Variants in ZCCHC14 observed in about 807,000 individuals in gnomAD.
The protein encoded by ZCCHC14 is zinc finger CCHC-type containing 14.
Under a neutral mutation model 85.0 loss-of-function variants are expected in ZCCHC14, and 16 were observed. The observed-to-expected ratio is 0.19, with a 90% CI of 0.13 to 0.29. The LOEUF (loss-of-function observed/expected upper bound fraction) is 0.29. ZCCHC14 is among the 10% of genes least tolerant of loss of function. The pLI, the probability that ZCCHC14 is intolerant of heterozygous loss-of-function variation, is 1.00. For synonymous variants in ZCCHC14, 775 were observed against 630.7 expected (o/e 1.23, Z -3.43); for missense variants, 1,303 against 1,443.5 (o/e 0.90, Z 1.58).
At chr16:87,429,395 T>C (rs984799562) in intron 3 of ZCCHC14, among the ~76,000 whole-genome samples, 4 of 152,194 alleles carry the variant, frequency 2.6e-5, no homozygotes, top group African/African-American at 9.7e-5. Flanking sequence ...CAGGCTAGTC[T>C]TGAACTCCTG....
intron 3 of ZCCHC14, among the ~76,000 whole-genome samples, chr16:87,425,595 GAAAGAAAAGA>G (rs59861470): frequency 3.7e-4 from 56 of 151,524 alleles, no homozygotes; most frequent in Non-Finnish European, 6.8e-4. Context: ...AAGAAAGAAA[GAAAGAAAAGA>G]AAAGAAAAGA....
At position 87,420,764 on chromosome 16, in the gene ZCCHC14, AC is replaced by A. The variant is rs1909055178; in HGVS notation, c.841-49del. On this transcript the variant is annotated intron_variant, in intron 4 of 12. Coordinates refer to ENST00000671377, the MANE Select transcript of ZCCHC14 (RefSeq NM_015144.3). The surrounding 1 kb of genome is among the most constrained non-coding windows in gnomAD (Gnocchi z 5.0). Reference sequence around the variant, plus strand: ...GGAGGTGTGTCCAGACCCATCCAACACCAGCAGAATTCTGCTACTGCAGGAA... The same window carrying A: ...GGAGGTGTGTCCAGACCCATCCAACACAGCAGAATTCTGCTACTGCAGGAA... The A allele has an allele frequency of 1.3e-6, 2 of 1,499,154 alleles. No individual in the cohort carries two copies. The highest frequency in any genetic ancestry group is 1.8e-6 in the Non-Finnish European group (2 of 1,103,654). The allele number at this position is 1,499,154 out of a possible 1,614,324, so 92.9% of individuals were successfully genotyped here. A position where few individuals can be genotyped will look rare whatever the true frequency, so the allele number is the denominator to read the frequency against.
At chr16:87,447,027 CAAATACCACATGAGAATTTTCACATTCA>C (rs1910473790) in intron 2 of ZCCHC14, among the ~76,000 whole-genome samples, 1 of 152,164 alleles carries the variant, frequency 6.6e-6, no homozygotes, top group South Asian at 2.1e-4. Context: ...TTTAGTAACA[CAAATACCACATGAGAATTTTCACATTCA>C]AAATACATAT....
chr16:87,447,605 T>C (rs1256644339), intron 2 of ZCCHC14, among the ~76,000 whole-genome samples: 1 of 152,230 alleles, frequency 6.6e-6, no homozygotes, highest in Non-Finnish European at 1.5e-5. Flanking sequence ...TCCATTCTCC[T>C]ACTCATGGAC....
At chr16:87,462,001 C>G (rs1309264809) in intron 1 of ZCCHC14, among the ~76,000 whole-genome samples, 1 of 152,064 alleles carries the variant, frequency 6.6e-6, no homozygotes, top group African/African-American at 2.4e-5. Context: ...GGCGCAGCAG[C>G]TCATGGCTAT....
At chr16:87,482,534 A>G (rs772369565) in intron 1 of ZCCHC14, among the ~76,000 whole-genome samples, 5 of 152,184 alleles carry the variant, frequency 3.3e-5, no homozygotes, top group South Asian at 2.1e-4. Context: ...AATCCCCCAA[A>G]AAAACCCTTC....
At chr16:87,449,668 C>G (rs968123910) in intron 2 of ZCCHC14, among the ~76,000 whole-genome samples, 1 of 152,142 alleles carries the variant, frequency 6.6e-6, no homozygotes, top group African/African-American at 2.4e-5. Flanking sequence ...CAATGAGAAA[C>G]CACTTCAACA....
intron 3 of ZCCHC14, among the ~76,000 whole-genome samples, chr16:87,424,359 C>A (rs1909259249): frequency 6.6e-6 from 1 of 152,214 alleles, no homozygotes; most frequent in Admixed American, 6.5e-5. Context: ...CAGGACACTG[C>A]AGAGCTGTGG....
At chr16:87,449,637 T>G (rs566322866) in intron 2 of ZCCHC14, among the ~76,000 whole-genome samples, 1 of 152,290 alleles carries the variant, frequency 6.6e-6, no homozygotes, top group African/African-American at 2.4e-5. Context: ...CTTTATTAAG[T>G]GGTTTAATCT....
At position 87,491,065 on chromosome 16, in the gene ZCCHC14, G is replaced by A. The variant is rs983287044; in HGVS notation, c.570+604C>T. Among the ~76,000 whole-genome samples the A allele has an allele frequency of 6.6e-6, 1 of 152,226 alleles. No homozygotes were observed. The highest frequency in any genetic ancestry group is 2.4e-5 in the African/African-American group (1 of 41,466). On this transcript the variant is annotated intron_variant, in intron 1 of 12. Transcript: ENST00000671377. The surrounding 1 kb of genome is among the most constrained non-coding windows in gnomAD (Gnocchi z 5.9). ...TTCTGGTAATAAATACCAGATTTGG[G>A]GAAACCAAGGCGCCGCAATGTGTGT... is the stretch of plus-strand genomic sequence containing the variant.
chr16:87,411,595 G>A lies in ZCCHC14; in HGVS notation c.3126C>T (p.Asn1042=), dbSNP rs754507431. The change falls in exon 12 of 13, where the codon AAC becomes AAT. Residue 1042 remains asparagine, a synonymous_variant. Coordinates refer to ENST00000671377, the MANE Select transcript of ZCCHC14 (RefSeq NM_015144.3). ...TGGCCCCGCAGTTGTAACAAGATAG[G>A]TTCCCGCTCTTTTTGTGACTGGAAC... ...SNGSSHKKSG[N]LSCYNCGATG... The A allele has an allele frequency of 2.4e-5, 39 of 1,613,904 alleles. No homozygotes were observed. In the South Asian group the frequency reaches 4.1e-4, roughly 17 times the overall value.
At chr16:87,463,779 C>G (rs1911388219) in intron 1 of ZCCHC14, among the ~76,000 whole-genome samples, 1 of 152,142 alleles carries the variant, frequency 6.6e-6, no homozygotes, top group Middle Eastern at 3.2e-3. Flanking sequence ...GCTGAGATTA[C>G]ACCATATTGC....
At chr16:87,453,091 G>A (rs1237784274) in intron 2 of ZCCHC14, among the ~76,000 whole-genome samples, 1 of 152,220 alleles carries the variant, frequency 6.6e-6, no homozygotes, top group East Asian at 1.9e-4. Flanking sequence ...TGAACAAGCT[G>A]GAAGATGGAA....
intron 1 of ZCCHC14, among the ~76,000 whole-genome samples, chr16:87,488,563 T>C (rs1266899104): frequency 6.6e-6 from 1 of 152,100 alleles, no homozygotes; most frequent in Admixed American, 6.5e-5. Context: ...TTTCGGAAAA[T>C]ACAGTTAAAA....
chr16:87,462,492 G>A (rs899048743), intron 1 of ZCCHC14, among the ~76,000 whole-genome samples: 3 of 152,246 alleles, frequency 2.0e-5, no homozygotes, highest in Admixed American at 6.5e-5. Flanking sequence ...TGTAATCCCA[G>A]CACTTTGGGA....
chr16:87,451,814 C>G (rs1029055771), intron 2 of ZCCHC14, among the ~76,000 whole-genome samples: 2 of 152,194 alleles, frequency 1.3e-5, no homozygotes, highest in Non-Finnish European at 2.9e-5. Context: ...GCAGCAGCTC[C>G]CTGGCTGGTG....
chr16:87,486,271 G>A (rs1912508998), intron 1 of ZCCHC14, among the ~76,000 whole-genome samples: 1 of 151,752 alleles, frequency 6.6e-6, no homozygotes, highest in African/African-American at 2.4e-5. Flanking sequence ...CACTGCATAA[G>A]GATGCTTCCA....
intron 2 of ZCCHC14, among the ~76,000 whole-genome samples, chr16:87,449,737 G>T (rs904454039): frequency 6.6e-6 from 1 of 152,182 alleles, no homozygotes; most frequent in South Asian, 2.1e-4. Context: ...TGGTAGAGGG[G>T]AGAGTTTAAA....
intron 1 of ZCCHC14, chr16:87,471,483 C>G (rs1377683316): frequency 6.6e-6 from 1 of 152,240 alleles, no homozygotes; most frequent in Non-Finnish European, 1.5e-5. Flanking sequence ...GCAAAGGGAA[C>G]CCAGTACTTA....
Sources: allele counts gnomAD v4.1 joint callset (sites outside exome capture counted in the v4.1 genomes callset), GRCh38; gene constraint gnomAD v4.1.1; non-coding constraint Gnocchi (gnomAD v3.1); transcripts MANE v1.5; gene names NCBI Gene and HGNC (gene_info 2026-07-23, HGNC 2026-07-21).